CSNK2A2IP: variants seen among roughly 807,000 people sequenced by gnomAD.
CSNK2A2IP encodes casein kinase II subunit alpha'-interacting protein.
At chr3:88,386,182 T>A in the CSNK2A2IP span, among the ~76,000 whole-genome samples, 1 of 152,184 alleles carries the variant, frequency 6.6e-6, no homozygotes, top group Non-Finnish European at 1.5e-5. Flanking sequence ...TGGACTGCAA[T>A]GGCGTGATCT....
the CSNK2A2IP span, among the ~76,000 whole-genome samples, chr3:88,453,958 G>A: frequency 6.6e-6 from 1 of 151,982 alleles, no homozygotes; most frequent in Non-Finnish European, 1.5e-5. Context: ...AAAAGGAGTG[G>A]AATGGCTAGA....
At chr3:88,346,950 G>C in the CSNK2A2IP span, among the ~76,000 whole-genome samples, 1 of 152,000 alleles carries the variant, frequency 6.6e-6, no homozygotes, top group Non-Finnish European at 1.5e-5. Flanking sequence ...AGATGTCATT[G>C]AGAACATTCA....
the CSNK2A2IP span, among the ~76,000 whole-genome samples, chr3:88,339,357 T>C: frequency 6.6e-6 from 1 of 152,086 alleles, no homozygotes; most frequent in Non-Finnish European, 1.5e-5. Flanking sequence ...TCTATCCATG[T>C]TGCAAATGAC....
the CSNK2A2IP span, among the ~76,000 whole-genome samples, chr3:88,451,342 T>C: frequency 3.3e-5 from 5 of 152,072 alleles, no homozygotes; most frequent in Admixed American, 2.6e-4. Context: ...ACGATGTTGA[T>C]TGCCTTTTAA....
the CSNK2A2IP span, among the ~76,000 whole-genome samples, chr3:88,386,829 GA>G: frequency 6.6e-6 from 1 of 152,164 alleles, no homozygotes; most frequent in African/African-American, 2.4e-5. Flanking sequence ...TGGGGAAGAA[GA>G]AAAAGATGGT....
chr3:88,370,080 T>C, the CSNK2A2IP span, among the ~76,000 whole-genome samples: 1 of 151,798 alleles, frequency 6.6e-6, no homozygotes, highest in Admixed American at 6.6e-5. Context: ...AGTTAGTGGC[T>C]TATGGAACCA....
the CSNK2A2IP span, among the ~76,000 whole-genome samples, chr3:88,449,770 T>C: frequency 5.1e-5 from 7 of 137,026 alleles, no homozygotes; most frequent in South Asian, 2.5e-4. Context: ...TCTTCACGAT[T>C]GTGAAGAGAA....
chr3:88,375,189 T>C, the CSNK2A2IP span, among the ~76,000 whole-genome samples: 1 of 151,742 alleles, frequency 6.6e-6, no homozygotes, highest in Non-Finnish European at 1.5e-5. Context: ...GTAAGCCCAG[T>C]GTCCGTTAGT....
At chr3:88,403,834 A>C in the CSNK2A2IP span, among the ~76,000 whole-genome samples, 2 of 152,086 alleles carry the variant, frequency 1.3e-5, no homozygotes, top group African/African-American at 2.4e-5. Flanking sequence ...GAGTTTCGTT[A>C]ATGTCCTAGT....
the CSNK2A2IP span, among the ~76,000 whole-genome samples, chr3:88,425,816 T>G: frequency 6.6e-6 from 1 of 152,156 alleles, no homozygotes; most frequent in African/African-American, 2.4e-5. Flanking sequence ...TTGGTAGAAC[T>G]CCAAACGAGT....
At chr3:88,339,272 T>A in the CSNK2A2IP span, among the ~76,000 whole-genome samples, 1 of 151,976 alleles carries the variant, frequency 6.6e-6, no homozygotes, top group African/African-American at 2.4e-5. Context: ...AGTTCATTTT[T>A]TTTTTAGCTC....
chr3:88,461,484 C>T, the CSNK2A2IP span, among the ~76,000 whole-genome samples: 5 of 151,996 alleles, frequency 3.3e-5, no homozygotes, highest in Non-Finnish European at 5.9e-5. Context: ...ACCTGGGAGG[C>T]GGAGCTTGCA....
the CSNK2A2IP span, among the ~76,000 whole-genome samples, chr3:88,450,589 G>A: frequency 0.013 from 2,026 of 152,146 alleles, 37 homozygotes; most frequent in African/African-American, 0.047. Flanking sequence ...TGTCCTTCAG[G>A]CTCATCCCTG....
the CSNK2A2IP span, among the ~76,000 whole-genome samples, chr3:88,404,184 T>C: frequency 5.9e-5 from 9 of 151,902 alleles, no homozygotes; most frequent in Admixed American, 1.3e-4. Flanking sequence ...AAGAAGCCCA[T>C]AGACAATTGT....
chr3:88,348,394 G>A, the CSNK2A2IP span, among the ~76,000 whole-genome samples: 1 of 152,016 alleles, frequency 6.6e-6, no homozygotes, highest in Admixed American at 6.6e-5. Context: ...AACGGTATCA[G>A]TGAACACAGT....
chr3:88,356,566 GTAC>G, the CSNK2A2IP span, among the ~76,000 whole-genome samples: 1 of 151,992 alleles, frequency 6.6e-6, no homozygotes, highest in Non-Finnish European at 1.5e-5. Flanking sequence ...AAATGCAAGG[GTAC>G]ATATCTCAAT....
chr3:88,383,321 C>G, the CSNK2A2IP span, among the ~76,000 whole-genome samples: 1 of 152,198 alleles, frequency 6.6e-6, no homozygotes, highest in East Asian at 1.9e-4. Flanking sequence ...TAAAATCCAT[C>G]GTTCACTGTT....
chr3:88,414,269 A>ATT, the CSNK2A2IP span, among the ~76,000 whole-genome samples: 2 of 118,366 alleles, frequency 1.7e-5, no homozygotes, highest in African/African-American at 3.5e-5. Flanking sequence ...GTACCAACAA[A>ATT]GTTTTTTTTT....
chr3:88,400,085 G>A, the CSNK2A2IP span, among the ~76,000 whole-genome samples: 2 of 152,178 alleles, frequency 1.3e-5, no homozygotes, highest in African/African-American at 2.4e-5. Context: ...AAAACAAATC[G>A]TAGATTACAT....
Sources: allele counts gnomAD v4.1 joint callset (sites outside exome capture counted in the v4.1 genomes callset), GRCh38; gene constraint gnomAD v4.1.1; transcripts MANE v1.5; gene names NCBI Gene and HGNC (gene_info 2026-07-23, HGNC 2026-07-21).